Variants in BTRC observed in about 807,000 individuals in gnomAD.
BTRC encodes beta-transducin repeat containing E3 ubiquitin protein ligase, also known as F-box/WD repeat-containing protein 1A.
Under a neutral mutation model 85.5 loss-of-function variants are expected in BTRC, and 42 were observed. The observed-to-expected ratio is 0.49, with a 90% CI of 0.38 to 0.64. The LOEUF (loss-of-function observed/expected upper bound fraction) is 0.64. Among genes scored for constraint, BTRC ranks in the 30% least tolerant of loss-of-function variants. The pLI is 0.00. For synonymous variants in BTRC, 255 were observed against 263.3 expected (o/e 0.97, Z 0.30); for missense variants, 594 against 743.5 (o/e 0.80, Z 2.34).
At chr10:101,503,310 GTCATAGTCATTGACTTGGAGCT>G (rs1480469369) in intron 4 of BTRC, among the ~76,000 whole-genome samples, 1 of 152,152 alleles carries the variant, frequency 6.6e-6, no homozygotes, top group Admixed American at 6.5e-5. Context: ...TCTACATTTA[GTCATAGTCATTGACTTGGAGCT>G]TCATTGTCAT....
At chr10:101,363,835 A>G (rs1942285896) in intron 1 of BTRC, among the ~76,000 whole-genome samples, 1 of 152,170 alleles carries the variant, frequency 6.6e-6, no homozygotes, top group Admixed American at 6.5e-5. Flanking sequence ...AGATTTACAT[A>G]TAGGTTTCCT....
chr10:101,387,995 A>C (rs1943129473), intron 1 of BTRC, among the ~76,000 whole-genome samples: 3 of 152,026 alleles, frequency 2.0e-5, no homozygotes, highest in South Asian at 2.1e-4. Flanking sequence ...CGGCCTTTGG[A>C]AATTTTTATA....
At chr10:101,430,252 G>A in intron 1 of BTRC, 93 bp from the exon 2 acceptor site, 1 of 712,094 alleles carries the variant, frequency 1.4e-6, no homozygotes, top group East Asian at 2.9e-5. Flanking sequence ...AGCTGCAACT[G>A]GAATATTGCG....
chr10:101,524,568 T>A (rs1055035041), intron 5 of BTRC, among the ~76,000 whole-genome samples: 3 of 152,136 alleles, frequency 2.0e-5, no homozygotes, highest in Non-Finnish European at 4.4e-5. Context: ...ATGTAATGGG[T>A]TTGTTTGGAG....
intron 1 of BTRC, among the ~76,000 whole-genome samples, chr10:101,417,477 G>C (rs1047792055): frequency 1.3e-5 from 2 of 152,150 alleles, no homozygotes; most frequent in Non-Finnish European, 2.9e-5. Context: ...TTATTGAATA[G>C]TATCAGGTGA....
chr10:101,433,897 G>A (rs1944461608), intron 2 of BTRC, among the ~76,000 whole-genome samples: 1 of 151,904 alleles, frequency 6.6e-6, no homozygotes, highest in African/African-American at 2.4e-5. Context: ...GGACCCCAAA[G>A]TGCTTTTGTT....
intron 4 of BTRC, among the ~76,000 whole-genome samples, chr10:101,485,582 T>C (rs1945961743): frequency 6.6e-6 from 1 of 152,332 alleles, no homozygotes; most frequent in East Asian, 1.9e-4. Flanking sequence ...TTTCGGTAGT[T>C]CTTTTGAACT....
At position 101,461,962 on chromosome 10, in the gene BTRC, A is replaced by G. The variant is rs569138071; in HGVS notation, c.157-19A>G. The G allele has an allele frequency of 6.3e-7, 1 of 1,578,954 alleles. No individual in the cohort carries two copies. The highest frequency in any genetic ancestry group is 8.7e-7 in the Non-Finnish European group (1 of 1,150,910). Reference sequence around the variant, plus strand: ...TTGAAGATAATGAGAACTGAATTAAAGCTTACTTTCTTTCACAGAATTCCT... The same window carrying G: ...TTGAAGATAATGAGAACTGAATTAAGGCTTACTTTCTTTCACAGAATTCCT... On this transcript the variant is annotated intron_variant, in intron 2 of 14. Coordinates refer to ENST00000370187, the MANE Select transcript of BTRC (RefSeq NM_033637.4).
At chr10:101,436,077 G>C (rs973968032) in intron 2 of BTRC, among the ~76,000 whole-genome samples, 1 of 152,128 alleles carries the variant, frequency 6.6e-6, no homozygotes, top group Non-Finnish European at 1.5e-5. Flanking sequence ...TAAATTCTAT[G>C]GGGATATGTT....
At chr10:101,498,818 C>T (rs1029450776) in intron 4 of BTRC, among the ~76,000 whole-genome samples, 1 of 152,016 alleles carries the variant, frequency 6.6e-6, no homozygotes, top group East Asian at 1.9e-4. Flanking sequence ...TGGTGAAACC[C>T]CGTCTCTACT....
intron 11 of BTRC, among the ~76,000 whole-genome samples, chr10:101,536,148 G>C (rs918729607): frequency 6.6e-6 from 1 of 152,218 alleles, no homozygotes; most frequent in East Asian, 1.9e-4. Flanking sequence ...CCGTGGCAGA[G>C]GGGGAGGTGC....
chr10:101,475,566 A>G (rs1432897158), intron 3 of BTRC, among the ~76,000 whole-genome samples: 2 of 151,850 alleles, frequency 1.3e-5, no homozygotes, highest in East Asian at 3.9e-4. Flanking sequence ...CAAAAACAGA[A>G]CTGACTTTAT....
intron 13 of BTRC, among the ~76,000 whole-genome samples, chr10:101,550,139 G>C (rs779070066): frequency 2.0e-5 from 3 of 152,076 alleles, no homozygotes; most frequent in Admixed American, 1.3e-4. Flanking sequence ...CGCCAAAAAG[G>C]GTTGGCCATG....
chr10:101,419,044 T>C (rs1449855382), intron 1 of BTRC, among the ~76,000 whole-genome samples: 1 of 151,254 alleles, frequency 6.6e-6, no homozygotes, highest in Admixed American at 6.6e-5. Context: ...AGAGTCTCGC[T>C]CTGTCACCCA....
chr10:101,397,853 G>T (rs1943402989), intron 1 of BTRC, among the ~76,000 whole-genome samples: 2 of 152,168 alleles, frequency 1.3e-5, no homozygotes, highest in South Asian at 4.1e-4. Flanking sequence ...GATGATAAAT[G>T]ATAAACATCC....
chr10:101,456,181 AG>A (rs1945078097), intron 2 of BTRC, among the ~76,000 whole-genome samples: 2 of 147,756 alleles, frequency 1.4e-5, no homozygotes, highest in Non-Finnish European at 3.0e-5. Context: ...AAAAAAAAAA[AG>A]AATGATGATT....
At chr10:101,514,581 T>C (rs1465901451) in intron 4 of BTRC, among the ~76,000 whole-genome samples, 2 of 152,148 alleles carry the variant, frequency 1.3e-5, no homozygotes, top group African/African-American at 4.8e-5. Flanking sequence ...GCTGCCCTAG[T>C]AGCTAGGATT....
At chr10:101,549,583 A>G (rs1460589090) in intron 13 of BTRC, among the ~76,000 whole-genome samples, 10 of 151,518 alleles carry the variant, frequency 6.6e-5, no homozygotes, top group Non-Finnish European at 1.3e-4. Context: ...GTGTGGTGGC[A>G]GGCGCCTGTA....
At chr10:101,425,686 T>C (rs1944234331) in intron 1 of BTRC, among the ~76,000 whole-genome samples, 1 of 151,788 alleles carries the variant, frequency 6.6e-6, no homozygotes, top group Non-Finnish European at 1.5e-5. Flanking sequence ...GGTGCACGCC[T>C]GTAGTCCCAG....
Sources: allele counts gnomAD v4.1 joint callset (sites outside exome capture counted in the v4.1 genomes callset), GRCh38; gene constraint gnomAD v4.1.1; transcripts MANE v1.5; gene names NCBI Gene and HGNC (gene_info 2026-07-23, HGNC 2026-07-21).